Variants in PSD3 observed in about 807,000 individuals in gnomAD.
PSD3 encodes the protein PH and SEC7 domain-containing protein 3.
Under a neutral mutation model 105.5 loss-of-function variants are expected in PSD3, and 49 were observed. The observed-to-expected ratio is 0.46, with a 90% confidence interval of 0.37 to 0.59. The LOEUF is 0.59. PSD3 is among the 20% of genes least tolerant of loss of function. The pLI, the probability that PSD3 is intolerant of heterozygous loss-of-function variation, is 0.00. For synonymous variants in PSD3, 557 were observed against 457.8 expected (o/e 1.22, Z -2.77); for missense variants, 1,561 against 1,263.8 (o/e 1.24, Z -3.57).
intron 2 of PSD3, among the ~76,000 whole-genome samples, chr8:18,873,879 A>G (rs1817553921): frequency 6.6e-6 from 1 of 152,242 alleles, no homozygotes; most frequent in African/African-American, 2.4e-5. Context: ...AGTAAACAGT[A>G]TTAGTATATA....
At chr8:18,873,265 C>T (rs1236872343) in intron 2 of PSD3, among the ~76,000 whole-genome samples, 3 of 152,064 alleles carry the variant, frequency 2.0e-5, no homozygotes, top group Admixed American at 6.6e-5. Context: ...TGTTGGGTTT[C>T]TGTGGAGGGA....
At chr8:19,050,376 C>G (rs950822090) in intron 1 of PSD3, among the ~76,000 whole-genome samples, 4 of 152,130 alleles carry the variant, frequency 2.6e-5, no homozygotes, top group African/African-American at 9.7e-5. Flanking sequence ...GCTATAAAGA[C>G]ACATGCACAC....
chr8:18,898,975 C>G (rs1332670382), intron 2 of PSD3, among the ~76,000 whole-genome samples: 2 of 152,136 alleles, frequency 1.3e-5, no homozygotes, highest in African/African-American at 2.4e-5. Flanking sequence ...AATGTTTCTT[C>G]TATACAGTAC....
intron 2 of PSD3, among the ~76,000 whole-genome samples, chr8:18,916,155 C>A (rs188550245): frequency 6.1e-4 from 93 of 151,658 alleles, no homozygotes; most frequent in African/African-American, 2.1e-3. Flanking sequence ...AATCCCATTT[C>A]TGTGTATTTA....
intron 4 of PSD3, among the ~76,000 whole-genome samples, chr8:18,827,471 A>C (rs2129450021): frequency 6.6e-6 from 1 of 152,346 alleles, no homozygotes; most frequent in South Asian, 2.1e-4. Context: ...GGGAGCTAGG[A>C]AAAGACTTTA....
intron 9 of PSD3, among the ~76,000 whole-genome samples, chr8:18,660,351 A>C (rs929538384): frequency 6.6e-6 from 1 of 152,014 alleles, no homozygotes; most frequent in African/African-American, 2.4e-5. Flanking sequence ...AGCCCTGTTG[A>C]CCTCTTGATT....
intron 1 of PSD3, among the ~76,000 whole-genome samples, chr8:19,003,173 C>T (rs913800832): frequency 6.6e-6 from 1 of 151,984 alleles, no homozygotes; most frequent in African/African-American, 2.4e-5. Flanking sequence ...ACACTCCAAC[C>T]ACTATGCTGC....
intron 1 of PSD3, among the ~76,000 whole-genome samples, chr8:19,073,207 G>T (rs1563545448): frequency 2.0e-5 from 3 of 152,088 alleles, no homozygotes; most frequent in Admixed American, 6.6e-5. Context: ...ACCTGAAAAG[G>T]GATGAGGTGG....
intron 2 of PSD3, among the ~76,000 whole-genome samples, chr8:18,924,190 T>C (rs1343297124): frequency 2.0e-5 from 3 of 152,180 alleles, no homozygotes; most frequent in Non-Finnish European, 4.4e-5. Flanking sequence ...GAGAAAGTTA[T>C]AGTCACTTCC....
intron 14 of PSD3, among the ~76,000 whole-genome samples, chr8:18,557,230 A>G (rs1423788615): frequency 6.6e-6 from 1 of 152,254 alleles, no homozygotes; most frequent in Admixed American, 6.5e-5. Flanking sequence ...TTTCACAGGT[A>G]CAATAAGATA....
At chr8:19,004,543 G>A (rs1419576011) in intron 1 of PSD3, among the ~76,000 whole-genome samples, 1 of 152,008 alleles carries the variant, frequency 6.6e-6, no homozygotes, top group Non-Finnish European at 1.5e-5. Context: ...TATCTGATAG[G>A]AGACTTCAAC....
chr8:19,043,612 C>G (rs1006430138), intron 1 of PSD3, among the ~76,000 whole-genome samples: 1 of 152,058 alleles, frequency 6.6e-6, no homozygotes, highest in Admixed American at 6.5e-5. Context: ...GTTAAATTGC[C>G]GATGGAATGG....
At chr8:18,768,400 G>C (rs959578027) in intron 8 of PSD3, among the ~76,000 whole-genome samples, 1 of 152,164 alleles carries the variant, frequency 6.6e-6, no homozygotes, top group Non-Finnish European at 1.5e-5. Context: ...GAGCCTGGGA[G>C]ATCAAGACTA....
chr8:18,973,884 T>G (rs1004266838), intron 1 of PSD3, among the ~76,000 whole-genome samples: 1 of 152,176 alleles, frequency 6.6e-6, no homozygotes, highest in Non-Finnish European at 1.5e-5. Context: ...TTTCTGTCCA[T>G]TCTGAGGTCG....
intron 4 of PSD3, among the ~76,000 whole-genome samples, chr8:18,843,232 G>A (rs1488626458): frequency 1.3e-5 from 2 of 151,754 alleles, no homozygotes; most frequent in African/African-American, 2.4e-5. Context: ...GCGGTGGCAG[G>A]CGCCTGTAGT....
intron 11 of PSD3, among the ~76,000 whole-genome samples, chr8:18,604,290 C>T (rs1446101860): frequency 6.6e-6 from 1 of 152,110 alleles, no homozygotes; most frequent in African/African-American, 2.4e-5. Context: ...TTTGTTATGC[C>T]TTACCAAAGA....
At chr8:18,870,822 C>T (rs1031525461) in intron 3 of PSD3, among the ~76,000 whole-genome samples, 2 of 152,174 alleles carry the variant, frequency 1.3e-5, no homozygotes, top group East Asian at 1.9e-4. Context: ...AGGAAGGGCC[C>T]GGCACAGTGG....
Position 19,060,444 on chromosome 8 carries a change from G to A in PSD3, c.324+23762C>T, listed in dbSNP as rs573837616. Among the ~76,000 whole-genome samples, 197 of 152,186 alleles carry A rather than the reference G, an allele frequency of 1.3e-3. 1 individual carries two copies. Among genetic ancestry groups the A allele is most frequent in the South Asian group, 9.5e-3 (46 of 4,818 alleles). ...CTCTAACATATTAATGTCTCAGTCT[G>A]GGCAACATAGCAAGATCCCAACTCT... On this transcript the variant is annotated intron_variant, in intron 1 of 1. Transcript: ENST00000521475.
intron 9 of PSD3, among the ~76,000 whole-genome samples, chr8:18,755,658 T>A (rs1182004632): frequency 6.6e-6 from 1 of 152,120 alleles, no homozygotes; most frequent in African/African-American, 2.4e-5. Context: ...CCACTCAAAC[T>A]TTTTTCCTTT....
Sources: gnomAD v4.1 joint callset for allele counts (sites outside exome capture counted in the v4.1 genomes callset) on GRCh38, gnomAD v4.1.1 for gene constraint, MANE v1.5 for transcripts, NCBI Gene and HGNC (gene_info 2026-07-23, HGNC 2026-07-21) for gene names.